Variants in SNTG1 observed in about 807,000 individuals in gnomAD.
The protein encoded by SNTG1 is gamma-1-syntrophin.
In SNTG1, 39 loss-of-function variants were observed where a neutral mutation model predicts 74.7. The observed-to-expected ratio is 0.52, with a 90% CI of 0.40 to 0.68. SNTG1 has a LOEUF of 0.68. Among genes scored for constraint, SNTG1 ranks in the 30% least tolerant of loss-of-function variants. The probability of loss-of-function intolerance (pLI) is 0.00; values close to 1 mark genes in which losing one functional copy is unlikely to be tolerated. For missense variants in SNTG1, 685 were observed against 609.5 expected, an observed-to-expected ratio of 1.12 and a Z score of -1.30; for synonymous variants, 254 against 217.1, an observed-to-expected ratio of 1.17 and a Z score of -1.49.
intron 2 of SNTG1, among the ~76,000 whole-genome samples, chr8:50,257,289 G>A (rs1408499315): frequency 1.3e-5 from 2 of 152,136 alleles, no homozygotes; most frequent in African/African-American, 4.8e-5. Context: ...ATAGGGTGTA[G>A]TTTTCTTGCC....
chr8:50,697,181 G>A (rs146169477), intron 15 of SNTG1, among the ~76,000 whole-genome samples: 5 of 151,702 alleles, frequency 3.3e-5, no homozygotes, highest in East Asian at 3.9e-4. Context: ...ATGTATTTCC[G>A]GGTTTTTTTG....
chr8:50,115,088 T>C (rs1049334118), intron 1 of SNTG1, among the ~76,000 whole-genome samples: 1 of 152,130 alleles, frequency 6.6e-6, no homozygotes, highest in Non-Finnish European at 1.5e-5. Context: ...ATAAATACTT[T>C]AGAAAGTGAA....
chr8:50,744,923 T>C (rs1475025811), intron 17 of SNTG1, among the ~76,000 whole-genome samples: 2 of 151,976 alleles, frequency 1.3e-5, no homozygotes. Context: ...AAGACCTAAC[T>C]GTAAGAGTTA....
intron 1 of SNTG1, among the ~76,000 whole-genome samples, chr8:50,095,837 C>CT (rs1214240856): frequency 2.0e-5 from 3 of 151,640 alleles, no homozygotes; most frequent in Admixed American, 6.6e-5. Flanking sequence ...TTTACTGGTG[C>CT]TTTTTTTCAA....
chr8:50,086,982 C>T (rs1273238153), intron 1 of SNTG1, among the ~76,000 whole-genome samples: 1 of 152,160 alleles, frequency 6.6e-6, no homozygotes. Context: ...GTGGTATTCA[C>T]ACTTCTAAGG....
chr8:50,256,217 A>T (rs776321639), intron 2 of SNTG1, among the ~76,000 whole-genome samples: 1 of 152,132 alleles, frequency 6.6e-6, no homozygotes, highest in Non-Finnish European at 1.5e-5. Flanking sequence ...ACAGCAGCCA[A>T]GCCTTTCATG....
In SNTG1 at chr8:49,979,303, A is replaced by ACGACAG. The variant is rs1357031636; in HGVS notation, c.-103+67074_-103+67079dup. The stretch of plus-strand genomic sequence containing the variant: ...CCCGCACCGCCGCCTGCCCCGCGCC[A>ACGACAG]CGACAGCCCAGAGCACGGATGGGCC... On this transcript the variant is annotated intron_variant, in intron 1 of 18. Transcript: ENST00000642720. Among the ~76,000 whole-genome samples the ACGACAG allele has an allele frequency of 1.6e-4, 25 of 152,272 alleles. 1 individual carries two copies. In the South Asian group the frequency reaches 5.2e-3, roughly 32 times the overall value.
At chr8:50,787,301 T>C (rs2095678459) in intron 18 of SNTG1, among the ~76,000 whole-genome samples, 1 of 151,732 alleles carries the variant, frequency 6.6e-6, no homozygotes, top group Non-Finnish European at 1.5e-5. Flanking sequence ...TCCCACTCTA[T>C]AGGATGGTTA....
At chr8:50,337,908 G>A (rs1042271398) in intron 2 of SNTG1, among the ~76,000 whole-genome samples, 11 of 152,250 alleles carry the variant, frequency 7.2e-5, no homozygotes, top group East Asian at 3.9e-4. Flanking sequence ...AGGCCAAGGC[G>A]GGCGGATCAT....
chr8:50,504,299 T>C (rs190941839), intron 9 of SNTG1, among the ~76,000 whole-genome samples: 319 of 152,324 alleles, frequency 2.1e-3, no homozygotes, highest in Non-Finnish European at 4.0e-3. Flanking sequence ...AGTGCTGCAA[T>C]GAACATACAC....
intron 2 of SNTG1, among the ~76,000 whole-genome samples, chr8:50,297,875 T>G (rs911611270): frequency 6.7e-6 from 1 of 148,830 alleles, no homozygotes; most frequent in Non-Finnish European, 1.5e-5. Context: ...GGTTGAAATA[T>G]GTGGCTTTTT....
At chr8:49,924,333 G>A (rs1165078646) in intron 1 of SNTG1, among the ~76,000 whole-genome samples, 1 of 152,260 alleles carries the variant, frequency 6.6e-6, no homozygotes, top group Admixed American at 6.5e-5. Flanking sequence ...TGCTTTGCTG[G>A]CATTACCACA....
At chr8:50,784,393 A>G (rs148719269) in intron 18 of SNTG1, among the ~76,000 whole-genome samples, 51 of 152,292 alleles carry the variant, frequency 3.3e-4, no homozygotes, top group African/African-American at 1.2e-3. Flanking sequence ...CCGAATAACT[A>G]TAGTAATTTT....
intron 1 of SNTG1, among the ~76,000 whole-genome samples, chr8:50,038,028 C>T (rs991712947): frequency 2.0e-5 from 3 of 152,160 alleles, no homozygotes; most frequent in Non-Finnish European, 4.4e-5. Flanking sequence ...ACTCCTTCCA[C>T]ACTCCAACTA....
intron 1 of SNTG1, among the ~76,000 whole-genome samples, chr8:50,059,013 G>A (rs544185895): frequency 6.6e-6 from 1 of 152,168 alleles, no homozygotes; most frequent in East Asian, 1.9e-4. Flanking sequence ...AGGCATTTGG[G>A]ATTGCCTTTT....
At chr8:50,684,061 C>A (rs948059584) in intron 15 of SNTG1, among the ~76,000 whole-genome samples, 1 of 152,158 alleles carries the variant, frequency 6.6e-6, no homozygotes, top group African/African-American at 2.4e-5. Flanking sequence ...TAATTTCATT[C>A]TTAGTAGACA....
At chr8:49,958,059 A>G (rs1362295716) in intron 1 of SNTG1, among the ~76,000 whole-genome samples, 3 of 152,194 alleles carry the variant, frequency 2.0e-5, no homozygotes, top group Non-Finnish European at 2.9e-5. Context: ...CCACAGTTAA[A>G]GATTTAACTC....
intron 1 of SNTG1, among the ~76,000 whole-genome samples, chr8:50,100,791 A>T (rs2080092781): frequency 6.6e-6 from 1 of 151,848 alleles, no homozygotes. Context: ...TTTTTAAAAA[A>T]TTATTTTAGG....
intron 2 of SNTG1, among the ~76,000 whole-genome samples, chr8:50,351,258 C>T (rs1394006176): frequency 9.9e-5 from 15 of 152,092 alleles, no homozygotes; most frequent in Admixed American, 9.8e-4. Context: ...AGTTTCAGTG[C>T]AAAACTGGCA....
Sources: allele counts gnomAD v4.1 joint callset (sites outside exome capture counted in the v4.1 genomes callset), GRCh38; gene constraint gnomAD v4.1.1; transcripts MANE v1.5; gene names NCBI Gene and HGNC (gene_info 2026-07-23, HGNC 2026-07-21).